ASB11: variants seen among roughly 807,000 people sequenced by gnomAD.
ASB11 encodes the protein ankyrin repeat and SOCS box containing 11.
Under a neutral mutation model 20.1 loss-of-function variants are expected in ASB11, and 17 were observed. The ratio of observed to expected loss-of-function variants is 0.85; its 90% CI spans 0.58 to 1.27. ASB11 has a LOEUF of 1.27. Ranked by LOEUF, ASB11 falls within the 50% of genes most tolerant of loss-of-function variation. The pLI is 0.00. For missense variants in ASB11, 259 were observed against 256.9 expected (o/e 1.01, Z -0.06); for synonymous variants, 107 against 105.6 (o/e 1.01, Z -0.08).
At chrX:15,309,840 C>A (rs755302907) in intron 1 of ASB11, among the ~76,000 whole-genome samples, 1 of 107,655 alleles carries the variant, frequency 9.3e-6, no homozygotes, top group East Asian at 2.9e-4. Context: ...TGGTGGCGGG[C>A]GCCTGTAGTC....
chrX:15,309,967 C>CAAAAAA (rs60765469), intron 1 of ASB11, among the ~76,000 whole-genome samples: 767 of 15,495 alleles, frequency 0.049, 94 homozygotes, highest in South Asian at 0.086. Context: ...GACTCCGTCT[C>CAAAAAA]AAAAAAAAAA....
At position 15,282,155 on chromosome X, in the gene ASB11, A is replaced by T. The variant is rs905582481; in HGVS notation, c.*1350T>A. The T allele has an allele frequency of 9.0e-6, 1 of 110,866 alleles. No homozygotes were observed. Among genetic ancestry groups the T allele is most frequent in the African/African-American group, 3.3e-5 (1 of 30,486 alleles). 9.1% of individuals were successfully genotyped at this position (110,866 alleles called of 1,213,427 possible). On this transcript the variant is annotated 3_prime_UTR_variant, in exon 7 of 7. Transcript: ENST00000480796. Reference sequence around the variant, plus strand: ...AATGTCTCAGTGGGAGTGGGGCAAAATTGTCTCCAGTTGAGAGCCAAAGGT... The same window carrying T: ...AATGTCTCAGTGGGAGTGGGGCAAATTTGTCTCCAGTTGAGAGCCAAAGGT...
Position 15,302,789 on chromosome X carries a change from G to T in ASB11, c.200C>A (p.Ser67Tyr), listed in dbSNP as rs766152229. 8.3e-7 allele frequency: 1 copy of T among 1,210,580 alleles called. No individual in the cohort carries two copies. The highest frequency in any genetic ancestry group is 1.8e-5 in the South Asian group (1 of 56,934). The change falls in exon 2 of 7, where the codon TCC (serine) becomes TAC (tyrosine). Residue 67 changes from serine to tyrosine, a missense_variant. Transcript: ENST00000480796. ...CTGAGCTGCAGCTTCATGAAGTGGG[G>T]ATCGATCAGCCCAGCAATCTGAAAC... is the stretch of plus-strand genomic sequence containing the variant. ...GGISDCWADR[S>Y]PLHEAAAQGR...
intron 6 of ASB11, among the ~76,000 whole-genome samples, chrX:15,284,251 C>CA (rs60542067): frequency 0.12 from 8,608 of 72,131 alleles, 620 homozygotes; most frequent in Admixed American, 0.15. Flanking sequence ...GACTCCGCCT[C>CA]AAAAAAAAAA....
rs1204036216 is a variant in ASB11 at position 15,289,498 on chromosome X, A to G, written c.655+6T>C. 1 of 1,184,360 alleles carries G rather than the reference A, an allele frequency of 8.4e-7. No homozygotes were observed. ...GTTTCTTCATGAAAATAATTTTGGA[A>G]ATTACCTAATTCTAGAAGTTTCTTC... On this transcript the variant is annotated splice_donor_region_variant and intron_variant, in intron 5 of 6. Transcript: ENST00000480796.
At chrX:15,284,124 T>A (rs376596703) in intron 6 of ASB11, among the ~76,000 whole-genome samples, 2 of 105,183 alleles carry the variant, frequency 1.9e-5, no homozygotes, top group South Asian at 4.3e-4. Flanking sequence ...TGGTGGCGGG[T>A]GCCTATAGTC....
At chrX:15,298,920 C>T (rs1025060272) in intron 2 of ASB11, among the ~76,000 whole-genome samples, 1 of 111,406 alleles carries the variant, frequency 9.0e-6, no homozygotes, top group African/African-American at 3.3e-5. Flanking sequence ...CTTCTCCTAA[C>T]CTTCATCTCC....
intron 1 of ASB11, among the ~76,000 whole-genome samples, chrX:15,304,390 G>A (rs1921166394): frequency 8.9e-6 from 1 of 112,318 alleles, no homozygotes; most frequent in Non-Finnish European, 1.9e-5. Context: ...GATTGATATT[G>A]GAGCAATTAG....
At chrX:15,291,019 A>T (rs1927517770) in intron 4 of ASB11, among the ~76,000 whole-genome samples, 1 of 111,828 alleles carries the variant, frequency 8.9e-6, no homozygotes, top group Non-Finnish European at 1.9e-5. Context: ...TTTTTGAATA[A>T]TTCTTGTCTT....
At chrX:15,285,635 G>A (rs972353653) in intron 6 of ASB11, among the ~76,000 whole-genome samples, 1 of 111,548 alleles carries the variant, frequency 9.0e-6, no homozygotes, top group African/African-American at 3.3e-5. Context: ...TCCAAGCTCG[G>A]ATCTGCTGAG....
chrX:15,297,758 A>G, intron 2 of ASB11, 77 bp from the exon 3 acceptor site: 1 of 944,484 alleles, frequency 1.1e-6, no homozygotes, highest in South Asian at 2.2e-5. Flanking sequence ...CTGGTCTCAA[A>G]CTCCTGGCCT....
chrX:15,299,154 A>T (rs964139551), intron 2 of ASB11, among the ~76,000 whole-genome samples: 6 of 112,312 alleles, frequency 5.3e-5, no homozygotes, highest in Non-Finnish European at 9.4e-5. Context: ...AAACAGTCAA[A>T]CTATAAAATA....
chrX:15,287,131 C>T (rs1415096784), intron 6 of ASB11, among the ~76,000 whole-genome samples: 1 of 111,592 alleles, frequency 9.0e-6, no homozygotes, highest in Non-Finnish European at 1.9e-5. Context: ...ATCTGGAGAA[C>T]AGGCAAACAA....
rs1007387671 is a variant in ASB11, at chrX:15,282,991, C to T, written c.*514G>A. On this transcript the variant is annotated 3_prime_UTR_variant, in exon 7 of 7. Transcript: ENST00000480796. ...GTATATATATACGTATATATATATA[C>T]GTATATGTATGTATATATATATACG... 3.1e-5 allele frequency: 3 copies of T among 97,648 alleles called. No individual in the cohort carries two copies. The highest frequency in any genetic ancestry group is 6.0e-5 in the Non-Finnish European group (3 of 49,667). The allele number at this position is 97,648 out of a possible 1,213,427, so 8.0% of individuals were successfully genotyped here. A position where few individuals can be genotyped will look rare whatever the true frequency, so the allele number is the denominator to read the frequency against.
Position 15,288,056 on chromosome X carries a change from A to G in ASB11, c.672T>C (p.His224=). The part of the protein sequence containing the change: ...KLLELGASVD[H]GQWLDTPLHA... Reference sequence around the variant, plus strand: ...GGAGTGGGGTGTCCAGCCACTGGCCATGGTCGACACTGGCTCCTTAACAAA... The same window carrying G: ...GGAGTGGGGTGTCCAGCCACTGGCCGTGGTCGACACTGGCTCCTTAACAAA... The change falls in exon 6 of 7, where the codon CAT becomes CAC. Residue 224 remains histidine (H), a synonymous_variant. Transcript: ENST00000480796. 8.3e-7 allele frequency: 1 copy of G among 1,209,946 alleles called. No homozygotes were observed. The highest frequency in any genetic ancestry group is 1.1e-6 in the Non-Finnish European group (1 of 894,596).
rs181439075 is a variant in ASB11 at position 15,305,226 on chromosome X, G to A, written c.182-2419C>T. On this transcript the variant is annotated intron_variant, in intron 1 of 6. Coordinates refer to ENST00000480796, the MANE Select transcript of ASB11 (RefSeq NM_080873.3). ...AACAGATTGTCATCTGATGGAATGCGATGAGCAACATCATGTGCCATAAGA... is the reference window on the plus strand; with the variant it reads ...AACAGATTGTCATCTGATGGAATGCAATGAGCAACATCATGTGCCATAAGA... Among the ~76,000 whole-genome samples the A allele has an allele frequency of 1.8e-4, 20 of 112,011 alleles. 1 individual carries two copies. The highest frequency in any genetic ancestry group is 3.2e-5 in the African/African-American group (1 of 30,864).
In ASB11 at chrX:15,297,501, A is replaced by C; in HGVS notation, c.369+73T>G. The C allele has an allele frequency of 5.6e-6, 5 of 895,515 alleles. No homozygotes were observed. In the South Asian group the frequency reaches 1.3e-4, roughly 23 times the overall value. The allele number at this position is 895,515 out of a possible 1,213,427, so 73.8% of individuals were successfully genotyped here. A position where few individuals can be genotyped will look rare whatever the true frequency, so the allele number is the denominator to read the frequency against. On this transcript the variant is annotated intron_variant, in intron 3 of 6. Transcript: ENST00000480796. ...TACCCACAGTGGGTAAGCCATCTGG[A>C]AGGTAAACTATCATTAAACATTAAC...
At chrX:15,299,832 T>G (rs1355436839) in intron 2 of ASB11, among the ~76,000 whole-genome samples, 1 of 111,381 alleles carries the variant, frequency 9.0e-6, no homozygotes, top group African/African-American at 3.3e-5. Context: ...ACTGACCAAC[T>G]GAAAGCTTCC....
intron 1 of ASB11, chrX:15,314,524 T>C: frequency 8.5e-7 from 1 of 1,176,672 alleles, no homozygotes; most frequent in Non-Finnish European, 1.1e-6. Flanking sequence ...TTTCTTTAGA[T>C]AAGACTGCTG....
Sources: allele counts gnomAD v4.1 joint callset (sites outside exome capture counted in the v4.1 genomes callset), GRCh38; gene constraint gnomAD v4.1.1; transcripts MANE v1.5; gene names NCBI Gene and HGNC (gene_info 2026-07-23, HGNC 2026-07-21).